The following PLPPR4 variants were observed in gnomAD, a reference collection of about 807,000 sequenced individuals.
The protein encoded by PLPPR4 is phospholipid phosphatase-related protein type 4.
In PLPPR4, 24 loss-of-function variants were observed where a neutral mutation model predicts 56.6. That is an observed-to-expected ratio of 0.42 (90% CI 0.31 to 0.60). The LOEUF (loss-of-function observed/expected upper bound fraction) is 0.60. Among genes scored for constraint, PLPPR4 ranks in the 20% least tolerant of loss-of-function variants. The pLI is 0.13. For missense variants in PLPPR4, 654 were observed against 885.8 expected, an observed-to-expected ratio of 0.74 and a Z score of 3.32; for synonymous variants, 326 against 328.1, an observed-to-expected ratio of 0.99 and a Z score of 0.07.
rs538197384 is a variant in PLPPR4 at position 99,281,388 on chromosome 1, T to C, written c.79-6577T>C. Among the ~76,000 whole-genome samples the C allele has an allele frequency of 4.6e-5, 7 of 152,310 alleles. No homozygotes were observed. In the East Asian group the frequency reaches 1.4e-3, roughly 29 times the overall value. On this transcript the variant is annotated intron_variant, in intron 1 of 6. Transcript: ENST00000370185. The stretch of plus-strand genomic sequence containing the variant: ...GTTTAGATTTCTAGACCTTAAGTAA[T>C]GTTGCAGACTCATTCTGACCAATTA...
At chr1:99,279,712 G>A (rs551092552) in intron 1 of PLPPR4, among the ~76,000 whole-genome samples, 6 of 152,264 alleles carry the variant, frequency 3.9e-5, no homozygotes, top group East Asian at 3.9e-4. Flanking sequence ...GATACACGGC[G>A]GTGCATGCTT....
At chr1:99,300,855 T>A (rs1659868420) in intron 4 of PLPPR4, 54 bp from the exon 5 acceptor site, 5 of 1,310,438 alleles carry the variant, frequency 3.8e-6, no homozygotes, top group Non-Finnish European at 4.4e-6. Context: ...TTGAGATGAT[T>A]GCTAGCAGTG....
upstream of PLPPR4, chr1:99,264,351 C>T (rs1047679182): frequency 2.9e-6 from 3 of 1,034,558 alleles, no homozygotes; most frequent in Non-Finnish European, 4.0e-6. Flanking sequence ...GCCAGAAAAA[C>T]GGGGAGCAGG....
intron 1 of PLPPR4, among the ~76,000 whole-genome samples, chr1:99,278,884 G>A (rs1017597423): frequency 1.3e-5 from 2 of 152,176 alleles, no homozygotes; most frequent in Non-Finnish European, 2.9e-5. Flanking sequence ...AGGTGAGGTA[G>A]CTCTTCTCTA....
upstream of PLPPR4, chr1:99,264,027 G>A (rs1032475398): frequency 1.2e-5 from 2 of 169,842 alleles, no homozygotes; most frequent in Non-Finnish European, 2.5e-5. Context: ...TGGGATCCAA[G>A]ATCTCATTTC....
In PLPPR4 at chr1:99,309,255, T is replaced by G. The variant is rs1660126334; in HGVS notation, c.*2245T>G. 1 of 152,498 alleles carries G rather than the reference T, an allele frequency of 6.6e-6. No homozygotes were observed. Among genetic ancestry groups the G allele is most frequent in the Non-Finnish European group, 1.5e-5 (1 of 67,998 alleles). 9.4% of individuals were successfully genotyped at this position (152,498 alleles called of 1,614,324 possible). A position where few individuals can be genotyped will look rare whatever the true frequency, so the allele number is the denominator to read the frequency against. On this transcript the variant is annotated 3_prime_UTR_variant, in exon 7 of 7. Transcript: ENST00000370185. ...ATTCCACTGGTACCTTAATTTAAAATAAATCAGACTAAAAGGTGGTATCTC... is the reference window on the plus strand; with the variant it reads ...ATTCCACTGGTACCTTAATTTAAAAGAAATCAGACTAAAAGGTGGTATCTC...
At chr1:99,291,608 A>G (rs530125213) in intron 2 of PLPPR4, among the ~76,000 whole-genome samples, 25 of 152,342 alleles carry the variant, frequency 1.6e-4, no homozygotes, top group African/African-American at 5.5e-4. Context: ...AAAAAATGAA[A>G]TCATGTCGTT....
chr1:99,277,755 A>T (rs1266080526), intron 1 of PLPPR4, among the ~76,000 whole-genome samples: 1 of 151,764 alleles, frequency 6.6e-6, no homozygotes, highest in East Asian at 1.9e-4. Context: ...GGTGCTTCAA[A>T]CTAGATCTTT....
Position 99,296,953 on chromosome 1 carries a change from C to T in PLPPR4, c.394+86C>T, listed in dbSNP as rs532492871. 2,234 of 1,230,658 alleles carry T rather than the reference C, an allele frequency of 1.8e-3. 3 individuals carry two copies. Among genetic ancestry groups the T allele is most frequent in the Admixed American group, 2.7e-3 (87 of 32,426 alleles). 76.2% of individuals were successfully genotyped at this position (1,230,658 alleles called of 1,614,324 possible). A position where few individuals can be genotyped will look rare whatever the true frequency, so the allele number is the denominator to read the frequency against. On this transcript the variant is annotated intron_variant, in intron 3 of 6. Coordinates refer to ENST00000370185, the MANE Select transcript of PLPPR4 (RefSeq NM_014839.5). ...TTAATTATAGATATTAAGTCTCGTACGCTATAATTTAGATGTATAATTTCA... is the reference window on the plus strand; with the variant it reads ...TTAATTATAGATATTAAGTCTCGTATGCTATAATTTAGATGTATAATTTCA...
chr1:99,286,773 G>A (rs533715751), intron 1 of PLPPR4, among the ~76,000 whole-genome samples: 2 of 152,170 alleles, frequency 1.3e-5, no homozygotes, highest in Non-Finnish European at 2.9e-5. Context: ...GAGAAGTGGT[G>A]AAAACGTAGT....
At chr1:99,268,702 G>A (rs1658972937) in intron 1 of PLPPR4, among the ~76,000 whole-genome samples, 1 of 152,092 alleles carries the variant, frequency 6.6e-6, no homozygotes, top group East Asian at 1.9e-4. Flanking sequence ...GTTTTACACT[G>A]TACAGCCTGG....
chr1:99,295,039 T>C (rs540134477), intron 2 of PLPPR4, among the ~76,000 whole-genome samples: 5 of 152,342 alleles, frequency 3.3e-5, no homozygotes, highest in Admixed American at 6.5e-5. Context: ...ACACAGAGTA[T>C]AGAACCTATT....
chr1:99,292,992 T>C (rs1659659864), intron 2 of PLPPR4, among the ~76,000 whole-genome samples: 1 of 152,162 alleles, frequency 6.6e-6, no homozygotes, highest in Admixed American at 6.6e-5. Context: ...GTTTCTTTTC[T>C]ATCTTTAGGG....
intron 1 of PLPPR4, among the ~76,000 whole-genome samples, chr1:99,265,725 C>T (rs1024824430): frequency 3.3e-5 from 5 of 152,134 alleles, no homozygotes; most frequent in Non-Finnish European, 5.9e-5. Flanking sequence ...TTTAGCCCTT[C>T]GAAGTGCAAA....
chr1:99,305,640 C>CT, intron 6 of PLPPR4, 45 bp from the exon 7 acceptor site: 2 of 1,567,988 alleles, frequency 1.3e-6, no homozygotes, highest in Non-Finnish European at 1.7e-6. Flanking sequence ...ACCCTAGTGA[C>CT]TGTCTTCTAG....
At chr1:99,305,185 T>C (rs1659987153) in intron 6 of PLPPR4, among the ~76,000 whole-genome samples, 1 of 152,200 alleles carries the variant, frequency 6.6e-6, no homozygotes. Flanking sequence ...TAATAACATA[T>C]GTCTCCGACC....
rs267598791 is a variant in PLPPR4, at chr1:99,300,914, C to T, written c.596C>T (p.Ser199Phe). The change falls in exon 5 of 7, where the codon TCC becomes TTC. Residue 199 changes from serine to phenylalanine, a missense_variant. Around this residue, in one of 2 missense-constraint regions of PLPPR4, gnomAD observed 186 missense variants for 331.4 expected, o/e 0.56. Coordinates refer to ENST00000370185, the MANE Select transcript of PLPPR4 (RefSeq NM_014839.5). ...DLTVINSGRK[S>F]FPSQHATLAA... The stretch of plus-strand genomic sequence containing the variant: ...TGACTATCTTCTTTTGGCAGAAAGT[C>T]CTTCCCTTCTCAACATGCAACCCTT... 1.2e-6 allele frequency: 2 copies of T among 1,612,054 alleles called. No individual in the cohort carries two copies. The highest frequency in any genetic ancestry group is 1.7e-6 in the Non-Finnish European group (2 of 1,178,430).
At position 99,264,506 on chromosome 1, in the gene PLPPR4, G is replaced by A. The variant is rs1265040161; in HGVS notation, c.-88G>A. Reference sequence around the variant, plus strand: ...GGGAATGTGACATCAGCGGCGCCGGGCGCTTGGGGCTGGAGGAGGCAGCTC... The same window carrying A: ...GGGAATGTGACATCAGCGGCGCCGGACGCTTGGGGCTGGAGGAGGCAGCTC... On this transcript the variant is annotated 5_prime_UTR_variant, in exon 1 of 7. Coordinates refer to ENST00000370185, the MANE Select transcript of PLPPR4 (RefSeq NM_014839.5). The A allele has an allele frequency of 4.5e-6, 7 of 1,543,006 alleles. No individual in the cohort carries two copies. Among genetic ancestry groups the A allele is most frequent in the African/African-American group, 2.7e-5 (2 of 72,996 alleles).
At chr1:99,295,538 T>A (rs891476641) in intron 2 of PLPPR4, among the ~76,000 whole-genome samples, 14 of 152,268 alleles carry the variant, frequency 9.2e-5, no homozygotes, top group African/African-American at 3.4e-4. Context: ...TTTAAGAGAC[T>A]GCTTGTATCT....
Sources: allele counts gnomAD v4.1 joint callset (sites outside exome capture counted in the v4.1 genomes callset), GRCh38; gene constraint gnomAD v4.1.1; regional missense constraint gnomAD v4.1.1; transcripts MANE v1.5; gene names NCBI Gene and HGNC (gene_info 2026-07-23, HGNC 2026-07-21).